The following RPS6KA2 variants were observed in gnomAD, a reference collection of about 807,000 sequenced individuals.
RPS6KA2 encodes the protein ribosomal protein S6 kinase alpha-2.
Under a neutral mutation model 91.8 loss-of-function variants are expected in RPS6KA2, and 42 were observed. The observed-to-expected ratio is 0.46, with a 90% CI of 0.36 to 0.59. The LOEUF (loss-of-function observed/expected upper bound fraction) is 0.59, where lower values mean the gene tolerates loss of function less well. Ranked by LOEUF, RPS6KA2 falls within the 20% of genes least tolerant of loss-of-function variation. The pLI is 0.00. For synonymous variants in RPS6KA2, 414 were observed against 393.6 expected, an observed-to-expected ratio of 1.05 and a Z score of -0.61; for missense variants, 798 against 978.5, an observed-to-expected ratio of 0.82 and a Z score of 2.46.
intron 1 of RPS6KA2, among the ~76,000 whole-genome samples, chr6:166,560,921 C>G (rs1334927389): frequency 6.8e-6 from 1 of 146,042 alleles, no homozygotes; most frequent in Non-Finnish European, 1.5e-5. Flanking sequence ...GGGCGTATTT[C>G]TTAGCCCAAC....
At chr6:166,585,091 G>A (rs927463477) in intron 1 of RPS6KA2, among the ~76,000 whole-genome samples, 5 of 152,294 alleles carry the variant, frequency 3.3e-5, no homozygotes, top group Admixed American at 2.0e-4. Flanking sequence ...TTGCTACAAC[G>A]ATGTGGGGTG....
At chr6:166,467,222 A>T (rs938295195) in intron 11 of RPS6KA2, among the ~76,000 whole-genome samples, 1 of 119,910 alleles carries the variant, frequency 8.3e-6, no homozygotes, top group African/African-American at 2.7e-5. Context: ...TCCCTCACTC[A>T]TTCACTCCCT....
At chr6:166,800,201 T>C (rs1779329667) in intron 2 of RPS6KA2, among the ~76,000 whole-genome samples, 1 of 152,216 alleles carries the variant, frequency 6.6e-6, no homozygotes, top group Non-Finnish European at 1.5e-5. Context: ...GACAGTACCC[T>C]CTGGGGCAAT....
At chr6:166,707,974 C>T (rs953138444) in intron 2 of RPS6KA2, among the ~76,000 whole-genome samples, 1 of 152,114 alleles carries the variant, frequency 6.6e-6, no homozygotes, top group Non-Finnish European at 1.5e-5. Context: ...GAACTGCTGG[C>T]CTTAAGTATT....
In RPS6KA2 at chr6:166,649,450, T is replaced by C. The variant is rs538121169; in HGVS notation, c.124-110666A>G. Among the ~76,000 whole-genome samples, 16 of 152,360 alleles carry C rather than the reference T, an allele frequency of 1.1e-4. No homozygotes were observed. The South Asian group carries it at 3.3e-3, about 32-fold the overall frequency. On this transcript the variant is annotated intron_variant, in intron 2 of 21. Coordinates refer to the RPS6KA2 transcript ENST00000503859. Reference sequence around the variant, plus strand: ...ATCCTCCCTGTTAAATCCCATGCTATGTATCGTAATTCCCAACAAAACAAA... The same window carrying C: ...ATCCTCCCTGTTAAATCCCATGCTACGTATCGTAATTCCCAACAAAACAAA...
intron 1 of RPS6KA2, among the ~76,000 whole-genome samples, chr6:166,610,368 T>C (rs915175740): frequency 6.6e-6 from 1 of 152,234 alleles, no homozygotes; most frequent in African/African-American, 2.4e-5. Flanking sequence ...AGGAAATTCA[T>C]GTGAATTTCT....
chr6:166,533,294 T>C lies in RPS6KA2; in HGVS notation c.217-1981A>G, dbSNP rs940250525. 2.0e-5 allele frequency among the ~76,000 whole-genome samples: 3 copies of C among 152,196 alleles called. No individual in the cohort carries two copies. The highest frequency in any genetic ancestry group is 7.2e-5 in the African/African-American group (3 of 41,440). ...CCTAGGTTGACTTGATGAGTGGTGC[T>C]GTGGAGATCAGGACCAGCCAGGACA... is the stretch of plus-strand genomic sequence containing the variant. On this transcript the variant is annotated intron_variant, in intron 2 of 20. Transcript: ENST00000265678. This position sits in a 1 kb window ranked among gnomAD's most constrained non-coding sequence, Gnocchi z 4.0.
intron 2 of RPS6KA2, among the ~76,000 whole-genome samples, chr6:166,719,537 CAT>C (rs1347313992): frequency 1.2e-4 from 19 of 152,224 alleles, no homozygotes; most frequent in Non-Finnish European, 7.3e-5. Context: ...TTGAACAACA[CAT>C]GTCTGTGACG....
chr6:166,514,988 G>T (rs1226026793), intron 3 of RPS6KA2, among the ~76,000 whole-genome samples: 2 of 152,156 alleles, frequency 1.3e-5, no homozygotes, highest in African/African-American at 4.8e-5. Context: ...TTGGAGCTTT[G>T]CTGGAAATAC....
intron 2 of RPS6KA2, among the ~76,000 whole-genome samples, chr6:166,779,398 C>G (rs1188753338): frequency 6.6e-6 from 1 of 152,140 alleles, no homozygotes; most frequent in Non-Finnish European, 1.5e-5. Context: ...GTGTTGAAGC[C>G]CGGCCCGCAC....
chr6:166,463,497 T>G (rs1562511286), intron 11 of RPS6KA2: 1 of 152,188 alleles, frequency 6.6e-6, no homozygotes, highest in Non-Finnish European at 1.5e-5. Flanking sequence ...TGACACAGTG[T>G]GGCCGCAGGG....
At chr6:166,619,082 T>C (rs893375694) in intron 1 of RPS6KA2, among the ~76,000 whole-genome samples, 6 of 152,146 alleles carry the variant, frequency 3.9e-5, no homozygotes, top group Non-Finnish European at 8.8e-5. Flanking sequence ...CCTGTGCGTA[T>C]GGGCTCCCAT....
chr6:166,550,819 G>A (rs575051375), intron 1 of RPS6KA2, among the ~76,000 whole-genome samples: 46 of 151,966 alleles, frequency 3.0e-4, no homozygotes, highest in Middle Eastern at 3.4e-3. Context: ...TGGCTAACAC[G>A]GTGAAACCCC....
Position 166,510,891 on chromosome 6 carries a change from C to T in RPS6KA2, c.299-534G>A, listed in dbSNP as rs557798409. ...AGACAATGGTCCCATACCTATTTCCCTCGCCCTGTATTTTTTCGTGGACTT... is the reference window on the plus strand; with the variant it reads ...AGACAATGGTCCCATACCTATTTCCTTCGCCCTGTATTTTTTCGTGGACTT... On this transcript the variant is annotated intron_variant, in intron 3 of 20. Coordinates refer to ENST00000265678, the MANE Select transcript of RPS6KA2 (RefSeq NM_021135.6). Among the ~76,000 whole-genome samples, 13 of 152,138 alleles carry T rather than the reference C, an allele frequency of 8.5e-5. No individual in the cohort carries two copies. In the South Asian group the frequency reaches 1.0e-3, roughly 12 times the overall value.
intron 10 of RPS6KA2, among the ~76,000 whole-genome samples, chr6:166,474,900 G>A (rs1164211948): frequency 1.3e-5 from 2 of 152,202 alleles, no homozygotes; most frequent in African/African-American, 4.8e-5. Context: ...TGCTGAGCCT[G>A]TTCCTGCAGA....
chr6:166,517,479 T>TTTTTTTTTTTTTTC (rs1782695529), intron 3 of RPS6KA2, among the ~76,000 whole-genome samples: 1 of 138,196 alleles, frequency 7.2e-6, no homozygotes, highest in African/African-American at 2.8e-5. Context: ...TTTTTTTTTT[T>TTTTTTTTTTTTTTC]TTTTTTTGAG....
chr6:166,748,512 C>T (rs999996033), intron 2 of RPS6KA2, among the ~76,000 whole-genome samples: 4 of 151,280 alleles, frequency 2.6e-5, no homozygotes, highest in Non-Finnish European at 4.4e-5. Context: ...AGATCAGCCT[C>T]CATGGGGGCC....
chr6:166,588,675 C>T (rs1019730899), intron 1 of RPS6KA2, among the ~76,000 whole-genome samples: 1 of 152,230 alleles, frequency 6.6e-6, no homozygotes, highest in Admixed American at 6.5e-5. Context: ...ATCGTCTGAT[C>T]TCAACTCCAG....
At chr6:166,512,667 C>T (rs1435140588) in intron 3 of RPS6KA2, among the ~76,000 whole-genome samples, 1 of 152,122 alleles carries the variant, frequency 6.6e-6, no homozygotes, top group Non-Finnish European at 1.5e-5. Flanking sequence ...GGTGTATGGC[C>T]CTGCAACCCA....
Sources: gnomAD v4.1 joint callset for allele counts (sites outside exome capture counted in the v4.1 genomes callset) on GRCh38, gnomAD v4.1.1 for gene constraint, Gnocchi (gnomAD v3.1) non-coding constraint, MANE v1.5 for transcripts, NCBI Gene and HGNC (gene_info 2026-07-23, HGNC 2026-07-21) for gene names.